Variants in DNER observed in about 807,000 individuals in gnomAD.
DNER encodes delta and Notch-like epidermal growth factor-related receptor.
Under a neutral mutation model 78.2 loss-of-function variants are expected in DNER, and 33 were observed. The observed-to-expected ratio is 0.42, with a 90% CI of 0.32 to 0.56. DNER has a LOEUF of 0.56. DNER is among the 20% of genes least tolerant of loss of function. DNER has a pLI of 0.11. For missense variants in DNER, 918 were observed against 975.3 expected, an observed-to-expected ratio of 0.94 and a Z score of 0.78; for synonymous variants, 417 against 384.8, an observed-to-expected ratio of 1.08 and a Z score of -0.98.
chr2:229,391,231 A>C (rs1693009370), intron 10 of DNER, among the ~76,000 whole-genome samples: 1 of 152,250 alleles, frequency 6.6e-6, no homozygotes, highest in Non-Finnish European at 1.5e-5. Context: ...TTGTATATGC[A>C]TTTCAACACC....
chr2:229,408,143 T>C (rs1236323765), intron 9 of DNER, among the ~76,000 whole-genome samples: 2 of 151,982 alleles, frequency 1.3e-5, no homozygotes, highest in Non-Finnish European at 2.9e-5. Context: ...CAGCTTCTCA[T>C]TTACTTTTTT....
Position 229,714,169 on chromosome 2 carries a change from C to T in DNER, c.255G>A (p.Gly85=), listed in dbSNP as rs1430768896. 3 of 1,326,874 alleles carry T rather than the reference C, an allele frequency of 2.3e-6. No individual in the cohort carries two copies. The highest frequency in any genetic ancestry group is 1.9e-6 in the Non-Finnish European group (2 of 1,042,778). The allele number at this position is 1,326,874 out of a possible 1,614,324, so 82.2% of individuals were successfully genotyped here. A position where few individuals can be genotyped will look rare whatever the true frequency, so the allele number is the denominator to read the frequency against. ...TCACCTGGCAGTTGGCGCCGGAGAT[C>T]CCGGCGGGGCAGGTGCAGCTGTAGC... ...EPGYSCTCPA[G]ISGANCQLVA... is the part of the protein sequence containing the mutation. The change falls in exon 1 of 13, where the codon GGG becomes GGA. Residue 85 remains glycine (G), a synonymous_variant. Transcript: ENST00000341772.
chr2:229,401,466 A>G (rs1045593648), intron 10 of DNER, among the ~76,000 whole-genome samples: 5 of 152,068 alleles, frequency 3.3e-5, no homozygotes, highest in Non-Finnish European at 7.4e-5. Context: ...ACTCTGGGAC[A>G]TCCATACTTT....
intron 6 of DNER, among the ~76,000 whole-genome samples, chr2:229,499,836 T>G: frequency 6.6e-6 from 1 of 152,100 alleles, no homozygotes; most frequent in East Asian, 1.9e-4. Flanking sequence ...AAAGAATTGC[T>G]ATTTCAAATA....
chr2:229,604,040 G>A (rs913800286), intron 1 of DNER, among the ~76,000 whole-genome samples: 4 of 152,246 alleles, frequency 2.6e-5, no homozygotes, highest in African/African-American at 4.8e-5. Flanking sequence ...GCCAGCAGAA[G>A]CCAAAATCCA....
intron 1 of DNER, chr2:229,606,328 G>C (rs987647743): frequency 6.6e-6 from 1 of 151,998 alleles, no homozygotes; most frequent in Non-Finnish European, 1.5e-5. Flanking sequence ...TACTCAAATG[G>C]GGCCTTGAGC....
intron 1 of DNER, among the ~76,000 whole-genome samples, chr2:229,645,397 G>C (rs1698700024): frequency 6.6e-6 from 1 of 152,174 alleles, no homozygotes; most frequent in Admixed American, 6.5e-5. Flanking sequence ...TAGGTGAACA[G>C]GATCAAACTT....
intron 7 of DNER, among the ~76,000 whole-genome samples, chr2:229,455,186 C>T (rs949596917): frequency 1.3e-5 from 2 of 152,060 alleles, no homozygotes; most frequent in Admixed American, 6.5e-5. Flanking sequence ...CCTTCAGCCA[C>T]CCTCTAAGTG....
chr2:229,532,669 TG>T (rs1696328314), intron 5 of DNER, among the ~76,000 whole-genome samples: 1 of 152,274 alleles, frequency 6.6e-6, no homozygotes, highest in South Asian at 2.1e-4. Flanking sequence ...ACCAATTTCC[TG>T]GAAAGCAACT....
intron 1 of DNER, among the ~76,000 whole-genome samples, chr2:229,691,921 T>C (rs1196197894): frequency 1.3e-5 from 2 of 152,098 alleles, no homozygotes; most frequent in Non-Finnish European, 2.9e-5. Context: ...CAACTGAAAA[T>C]AGGTGCTCTC....
rs980660430 is a variant in DNER at position 229,560,365 on chromosome 2, AT to A, written c.848-13274del. 2.6e-5 allele frequency among the ~76,000 whole-genome samples: 4 copies of A among 152,346 alleles called. No homozygotes were observed. In the East Asian group the frequency reaches 7.7e-4, roughly 29 times the overall value. The stretch of plus-strand genomic sequence containing the variant: ...TTTTCCTATTAAGACACAACAAGTC[AT>A]TTGGCACAAACCAATAACCTAAAAA... On this transcript the variant is annotated intron_variant, in intron 4 of 12. Coordinates refer to ENST00000341772, the MANE Select transcript of DNER (RefSeq NM_139072.4).
chr2:229,512,663 A>C, intron 6 of DNER, 120 bp downstream of exon 6: 1 of 1,384,262 alleles, frequency 7.2e-7, no homozygotes, highest in South Asian at 1.4e-5. Flanking sequence ...AATCACCAAA[A>C]AGAACTTACT....
chr2:229,607,365 C>G (rs1303095263), intron 1 of DNER, among the ~76,000 whole-genome samples: 1 of 152,056 alleles, frequency 6.6e-6, no homozygotes, highest in Non-Finnish European at 1.5e-5. Context: ...TCACTATCAC[C>G]CTGTGAGGCA....
At chr2:229,490,160 G>A (rs569911849) in intron 6 of DNER, among the ~76,000 whole-genome samples, 25 of 152,270 alleles carry the variant, frequency 1.6e-4, no homozygotes, top group Non-Finnish European at 1.6e-4. Flanking sequence ...GAGAATCCTT[G>A]TGAACAAGAA....
intron 11 of DNER, among the ~76,000 whole-genome samples, chr2:229,387,576 G>GAA (rs1692916812): frequency 6.7e-5 from 10 of 150,134 alleles, no homozygotes; most frequent in African/African-American, 2.2e-4. Context: ...AGAAAAGAAA[G>GAA]AAGGAAGGAA....
At chr2:229,387,485 A>AAGAAAGAAAGAAAGAAAGAAAGAAAGAG (rs1559337789) in intron 11 of DNER, among the ~76,000 whole-genome samples, 3 of 98,156 alleles carry the variant, frequency 3.1e-5, no homozygotes, top group African/African-American at 1.1e-4. Flanking sequence ...TAGAAAGAAA[A>AAGAAAGAAAGAAAGAAAGAAAGAAAGAG]AGAAAGAAAG....
intron 9 of DNER, among the ~76,000 whole-genome samples, chr2:229,410,780 GT>G (rs1179268149): frequency 6.6e-6 from 1 of 152,162 alleles, no homozygotes; most frequent in African/African-American, 2.4e-5. Context: ...CCAATTATAA[GT>G]CTTTGTTGTT....
intron 1 of DNER, among the ~76,000 whole-genome samples, chr2:229,702,563 TAA>T (rs1437072423): frequency 6.6e-6 from 1 of 151,698 alleles, no homozygotes. Flanking sequence ...ATGATGATTT[TAA>T]AAAAAGAGTA....
intron 11 of DNER, among the ~76,000 whole-genome samples, chr2:229,385,454 A>G (rs757545066): frequency 3.9e-5 from 6 of 152,168 alleles, no homozygotes; most frequent in Non-Finnish European, 8.8e-5. Flanking sequence ...TCAACATAGC[A>G]TTGGAAGTTC....
Sources: allele counts gnomAD v4.1 joint callset (sites outside exome capture counted in the v4.1 genomes callset), GRCh38; gene constraint gnomAD v4.1.1; transcripts MANE v1.5; gene names NCBI Gene and HGNC (gene_info 2026-07-23, HGNC 2026-07-21).